The following LIMD1 variants were observed in gnomAD, a reference collection of about 807,000 sequenced individuals.
LIMD1 encodes LIM domain-containing protein 1.
LIMD1 carries 23 observed loss-of-function variants against 58.4 expected under a neutral mutation model. That is an observed-to-expected ratio of 0.39 (90% confidence interval 0.28 to 0.56). LIMD1 has a LOEUF of 0.56. Among genes scored for constraint, LIMD1 ranks in the 20% least tolerant of loss-of-function variants. The probability of loss-of-function intolerance (pLI) is 0.57; values close to 1 mark genes in which losing one functional copy is unlikely to be tolerated. For missense variants in LIMD1, 838 were observed against 855.5 expected (o/e 0.98, Z 0.25); for synonymous variants, 334 against 345.5 (o/e 0.97, Z 0.37).
At chr3:45,636,359 T>G (rs944857888) in intron 2 of LIMD1, 108 bp downstream of exon 2, 9 of 795,978 alleles carry the variant, frequency 1.1e-5, no homozygotes, top group Non-Finnish European at 1.8e-5. Flanking sequence ...TCCATGGCCC[T>G]CCTCAGCCCC....
chr3:45,619,058 C>G (rs1412921196), intron 1 of LIMD1, among the ~76,000 whole-genome samples: 1 of 152,194 alleles, frequency 6.6e-6, no homozygotes, highest in African/African-American at 2.4e-5. Context: ...ACTATACTCT[C>G]TAGAAAAGGA....
intron 1 of LIMD1, among the ~76,000 whole-genome samples, chr3:45,606,569 C>T (rs904216788): frequency 1.3e-5 from 2 of 152,316 alleles, no homozygotes; most frequent in African/African-American, 2.4e-5. Context: ...GACAGAGCCC[C>T]AGAGGCTCGG....
chr3:45,594,797 A>G lies in LIMD1; in HGVS notation c.-83A>G, dbSNP rs1298846210. ...GCCCTCAACACACACACACACACAC[A>G]CACACACACACACACACACACACAC... On this transcript the variant is annotated 5_prime_UTR_variant, in exon 1 of 8. Transcript: ENST00000273317. 2.3e-5 allele frequency: 3 copies of G among 128,258 alleles called. No individual in the cohort carries two copies. The highest frequency in any genetic ancestry group is 1.4e-4 in the African/African-American group (3 of 20,990). 7.9% of individuals were successfully genotyped at this position (128,258 alleles called of 1,614,324 possible).
At chr3:45,618,016 A>G (rs1254906659) in intron 1 of LIMD1, among the ~76,000 whole-genome samples, 1 of 152,194 alleles carries the variant, frequency 6.6e-6, no homozygotes, top group East Asian at 1.9e-4. Context: ...GAAAAATGAA[A>G]GGATTTTCAT....
rs145846746 is a variant in LIMD1 at position 45,668,343 on chromosome 3, T to G, written c.1628T>G (p.Leu543Arg). The G allele has an allele frequency of 1.2e-6, 2 of 1,612,928 alleles. No homozygotes were observed. The highest frequency in any genetic ancestry group is 2.7e-5 in the African/African-American group (2 of 75,054). ...GACAGGTGTTTTCTTTGTGGACATC[T>G]GATCATGGACATGGTGAGTAGGTCA... Reference protein sequence around the residue: ...SADRCFLCGHLIMDMILQALG... With the variant: ...SADRCFLCGHRIMDMILQALG... Residue 543 changes from leucine to arginine, a missense_variant, in exon 4 of 8, where the codon CTG (leucine) becomes CGG (arginine). By Grantham distance (102) the Leu-to-Arg change is moderately radical (BLOSUM62 -2). Transcript: ENST00000273317.
intron 2 of LIMD1, among the ~76,000 whole-genome samples, chr3:45,640,723 C>T (rs1443886545): frequency 6.6e-6 from 1 of 152,252 alleles, no homozygotes; most frequent in Non-Finnish European, 1.5e-5. Flanking sequence ...AGCCACCACT[C>T]CCAACCCTTG....
intron 1 of LIMD1, among the ~76,000 whole-genome samples, chr3:45,635,531 T>C (rs531459112): frequency 3.9e-5 from 6 of 152,080 alleles, no homozygotes; most frequent in Admixed American, 2.0e-4. Flanking sequence ...GGGTGTGATA[T>C]ACTTTTTGTA....
chr3:45,633,600 T>C (rs1350075442), intron 1 of LIMD1, among the ~76,000 whole-genome samples: 1 of 152,230 alleles, frequency 6.6e-6, no homozygotes, highest in African/African-American at 2.4e-5. Flanking sequence ...GTACCCTCTG[T>C]ATAATTCCTT....
intron 1 of LIMD1, among the ~76,000 whole-genome samples, chr3:45,623,692 C>A (rs780928353): frequency 6.6e-6 from 1 of 152,066 alleles, no homozygotes; most frequent in Non-Finnish European, 1.5e-5. Context: ...TACCCATTGA[C>A]GTGAGAGCTG....
intron 1 of LIMD1, among the ~76,000 whole-genome samples, chr3:45,602,557 A>G (rs1559512774): frequency 6.6e-6 from 1 of 151,316 alleles, no homozygotes; most frequent in Non-Finnish European, 1.5e-5. Flanking sequence ...GCAGTGACAG[A>G]CCCCCCTTAG....
chr3:45,667,346 G>T (rs547552003), intron 3 of LIMD1, among the ~76,000 whole-genome samples: 2 of 152,316 alleles, frequency 1.3e-5, no homozygotes, highest in African/African-American at 4.8e-5. Context: ...GAGCCACGTG[G>T]TGTGGAGCTG....
At chr3:45,645,254 G>A (rs1208886305) in intron 2 of LIMD1, among the ~76,000 whole-genome samples, 1 of 152,190 alleles carries the variant, frequency 6.6e-6, no homozygotes, top group Admixed American at 6.5e-5. Context: ...TAGTGCACTG[G>A]AGTTGGGGCC....
rs1697679382 is a variant in LIMD1, at chr3:45,676,918, A to G, written c.1894-4A>G. Reference sequence around the variant, plus strand: ...TTCCCCTGGACATGTCTGCCTCCCCACAGGACTGTGGTCTGGAGCTCAATG... The same window carrying G: ...TTCCCCTGGACATGTCTGCCTCCCCGCAGGACTGTGGTCTGGAGCTCAATG... On this transcript the variant is annotated splice_region_variant and splice_polypyrimidine_tract_variant and intron_variant, in intron 7 of 7. Coordinates refer to ENST00000273317, the MANE Select transcript of LIMD1 (RefSeq NM_014240.3). 6.2e-7 allele frequency: 1 copy of G among 1,613,954 alleles called. No homozygotes were observed. Among genetic ancestry groups the G allele is most frequent in the Non-Finnish European group, 8.5e-7 (1 of 1,179,988 alleles).
In LIMD1 at chr3:45,686,269, A is replaced by C. The variant is rs11130073; in HGVS notation, c.*9210A>C. On this transcript the variant is annotated 3_prime_UTR_variant, in exon 8 of 8. Transcript: ENST00000273317. ...TAAAAGAAAATCTAGCCCTTTCCTC[A>C]GGGCTGAGAAAATTTTGAGTGTTAG... 8.6e-5 allele frequency: 13 copies of C among 151,500 alleles called. No individual in the cohort carries two copies. The highest frequency in any genetic ancestry group is 3.2e-4 in the African/African-American group (13 of 41,134). The allele number at this position is 151,500 out of a possible 1,614,324, so 9.4% of individuals were successfully genotyped here. A position where few individuals can be genotyped will look rare whatever the true frequency, so the allele number is the denominator to read the frequency against.
At chr3:45,651,632 A>T (rs993455085) in intron 2 of LIMD1, among the ~76,000 whole-genome samples, 3 of 151,354 alleles carry the variant, frequency 2.0e-5, no homozygotes, top group African/African-American at 7.3e-5. Flanking sequence ...CAAAGATCAG[A>T]TGGTTATTTT....
intron 6 of LIMD1, 89 bp downstream of exon 6, chr3:45,673,594 A>G (rs749407077): frequency 3.6e-6 from 4 of 1,099,152 alleles, no homozygotes; most frequent in Non-Finnish European, 5.6e-6. Flanking sequence ...TCCTGTCCTT[A>G]CAGCTTTTAA....
At position 45,595,869 on chromosome 3, in the gene LIMD1, T is replaced by C; in HGVS notation, c.990T>C (p.Asn330=). 1 of 1,614,174 alleles carries C rather than the reference T, an allele frequency of 6.2e-7. No homozygotes were observed. Among genetic ancestry groups the C allele is most frequent in the Non-Finnish European group, 8.5e-7 (1 of 1,180,024 alleles). Residue 330 remains asparagine (N), a synonymous_variant, in exon 1 of 8, where the codon AAT becomes AAC. Transcript: ENST00000273317. ...GEVSGVMSKP[N]VDPQPWFQDG... ...TTTCAGGTGTGATGTCCAAACCCAA[T>C]GTGGACCCCCAACCCTGGTTCCAGG...
chr3:45,596,361 C>A, intron 1 of LIMD1, 74 bp downstream of exon 1: 3 of 1,222,616 alleles, frequency 2.5e-6, no homozygotes, highest in South Asian at 1.5e-5. Context: ...TGCCCCCTAC[C>A]AGGGATGCTG....
At chr3:45,664,112 C>G (rs1697481285) in intron 2 of LIMD1, among the ~76,000 whole-genome samples, 1 of 151,930 alleles carries the variant, frequency 6.6e-6, no homozygotes, top group Non-Finnish European at 1.5e-5. Context: ...CTCAGGTGAT[C>G]CACCTGCCTC....
Sources: gnomAD v4.1 joint callset for allele counts (sites outside exome capture counted in the v4.1 genomes callset) on GRCh38, gnomAD v4.1.1 for gene constraint, MANE v1.5 for transcripts, NCBI Gene and HGNC (gene_info 2026-07-23, HGNC 2026-07-21) for gene names.